Variants in CUL2 observed in about 807,000 individuals in gnomAD.
CUL2 encodes the protein cullin 2.
Under a neutral mutation model 110.2 loss-of-function variants are expected in CUL2, and 22 were observed. The observed-to-expected ratio is 0.20, with a 90% CI of 0.14 to 0.28. The LOEUF is 0.28. Among genes scored for constraint, CUL2 ranks in the 10% least tolerant of loss-of-function variants. The probability of loss-of-function intolerance (pLI) is 1.00; values close to 1 mark genes in which losing one functional copy is unlikely to be tolerated. For missense variants in CUL2, 631 were observed against 905.5 expected (o/e 0.70, Z 3.89); for synonymous variants, 279 against 293.2 (o/e 0.95, Z 0.49).
chr10:35,032,242 TA>T (rs1478175218), intron 12 of CUL2, among the ~76,000 whole-genome samples, 192 bp downstream of exon 12: 27 of 152,214 alleles, frequency 1.8e-4, no homozygotes, highest in African/African-American at 6.5e-4. Flanking sequence ...CCAAACTTTG[TA>T]AAATGGTTAT....
intron 15 of CUL2, among the ~76,000 whole-genome samples, chr10:35,029,133 C>A (rs1055243624): frequency 6.6e-6 from 1 of 151,734 alleles, no homozygotes; most frequent in East Asian, 1.9e-4. Context: ...TCTCCGCTCA[C>A]TGCAACCTCC....
chr10:35,105,523 G>A (rs966733620), intron 1 of CUL2, among the ~76,000 whole-genome samples: 3 of 150,692 alleles, frequency 2.0e-5, no homozygotes, highest in African/African-American at 7.3e-5. Context: ...GGCTAACACA[G>A]TGGAAACCCG....
upstream of CUL2, chr10:35,090,547 C>G (rs2135083526): frequency 6.6e-6 from 1 of 152,630 alleles, no homozygotes; most frequent in Non-Finnish European, 1.5e-5. Flanking sequence ...ATCCGTAAAA[C>G]AATCGTCCTC....
intron 2 of CUL2, among the ~76,000 whole-genome samples, chr10:35,066,590 C>T (rs570129865): frequency 1.1e-4 from 16 of 152,326 alleles, no homozygotes; most frequent in South Asian, 2.1e-4. Context: ...TGAGCCACTG[C>T]GCCCCGCCAG....
chr10:35,022,388 C>T (rs1038093773), intron 17 of CUL2, among the ~76,000 whole-genome samples: 5 of 152,152 alleles, frequency 3.3e-5, no homozygotes, highest in African/African-American at 1.2e-4. Context: ...CAAAAATTAA[C>T]CTTTTCTTGG....
chr10:35,063,918 T>C (rs2086450138), intron 2 of CUL2: 1 of 152,136 alleles, frequency 6.6e-6, no homozygotes, highest in Admixed American at 6.5e-5. Flanking sequence ...GAACTAGGTG[T>C]TTCATATGCT....
intron 1 of CUL2, among the ~76,000 whole-genome samples, chr10:35,103,572 C>T (rs1192073445): frequency 1.3e-5 from 2 of 151,984 alleles, no homozygotes; most frequent in Non-Finnish European, 2.9e-5. Context: ...ATCCGCCCGT[C>T]TCGGCCTCCC....
chr10:35,043,556 A>C lies in CUL2; in HGVS notation c.714+1010T>G, dbSNP rs578210165. Among the ~76,000 whole-genome samples the C allele has an allele frequency of 2.6e-5, 4 of 152,298 alleles. No individual in the cohort carries two copies. In the South Asian group the frequency reaches 8.3e-4, roughly 32 times the overall value. Reference sequence around the variant, plus strand: ...TGTAGGATGACAGCTCACCCACTTAAACTACTCGACCTTTCTTGGCTACAT... The same window carrying C: ...TGTAGGATGACAGCTCACCCACTTACACTACTCGACCTTTCTTGGCTACAT... On this transcript the variant is annotated intron_variant, in intron 8 of 20. Transcript: ENST00000374749.
chr10:35,022,445 T>C (rs1030004539), intron 17 of CUL2, among the ~76,000 whole-genome samples: 4 of 152,128 alleles, frequency 2.6e-5, no homozygotes, highest in Non-Finnish European at 5.9e-5. Flanking sequence ...CAAGAATAAT[T>C]TTCATTCTAT....
chr10:35,038,383 A>C (rs1397409267), intron 9 of CUL2, among the ~76,000 whole-genome samples: 2 of 150,792 alleles, frequency 1.3e-5, no homozygotes, highest in Non-Finnish European at 3.0e-5. Flanking sequence ...AAAATTAGCC[A>C]GGTGTGGTGA....
chr10:35,125,674 ATAT>A (rs1045938483), intron 1 of CUL2, among the ~76,000 whole-genome samples: 3 of 152,248 alleles, frequency 2.0e-5, no homozygotes, highest in Non-Finnish European at 2.9e-5. Context: ...GTTATCATCA[ATAT>A]TATAACGAAA....
intron 1 of CUL2, among the ~76,000 whole-genome samples, chr10:35,081,994 T>C (rs997727512): frequency 6.6e-6 from 1 of 152,084 alleles, no homozygotes; most frequent in Non-Finnish European, 1.5e-5. Context: ...TCTTGACACC[T>C]CCTGTTTACA....
At chr10:35,079,200 TAA>T (rs1355957230) in intron 1 of CUL2, among the ~76,000 whole-genome samples, 3 of 152,216 alleles carry the variant, frequency 2.0e-5, no homozygotes, top group African/African-American at 4.8e-5. Flanking sequence ...TATGCTATAA[TAA>T]AAGTTACATG....
At chr10:35,068,830 G>A (rs1477926069) in intron 2 of CUL2, among the ~76,000 whole-genome samples, 2 of 152,050 alleles carry the variant, frequency 1.3e-5, no homozygotes, top group Non-Finnish European at 2.9e-5. Context: ...CAGGGAAAAT[G>A]ATGGAATTTT....
At chr10:35,049,583 G>A in intron 6 of CUL2, 100 bp downstream of exon 6, 1 of 885,644 alleles carries the variant, frequency 1.1e-6, no homozygotes, top group South Asian at 1.8e-5. Flanking sequence ...AGTAAAACCA[G>A]CCCCAAGGCT....
chr10:35,073,507 G>C (rs1427551123), intron 1 of CUL2, among the ~76,000 whole-genome samples: 4 of 151,880 alleles, frequency 2.6e-5, no homozygotes, highest in Non-Finnish European at 5.9e-5. Context: ...ACTAGTCTAA[G>C]TACCCTGTAC....
chr10:35,034,708 G>T (rs2244100), intron 10 of CUL2, among the ~76,000 whole-genome samples: 2 of 151,910 alleles, frequency 1.3e-5, no homozygotes, highest in Admixed American at 6.6e-5. Context: ...TTATTGTTTT[G>T]GGTATTTGGG....
chr10:35,062,093 G>A (rs1215176061), intron 3 of CUL2, among the ~76,000 whole-genome samples: 1 of 152,082 alleles, frequency 6.6e-6, no homozygotes, highest in African/African-American at 2.4e-5. Context: ...TCTTACGCAG[G>A]CACTAAATTA....
intron 8 of CUL2, among the ~76,000 whole-genome samples, chr10:35,044,174 T>C (rs1294586480): frequency 6.6e-6 from 1 of 152,112 alleles, no homozygotes; most frequent in East Asian, 1.9e-4. Context: ...CCTCATATTT[T>C]TCCTCTCATT....
Sources: allele counts gnomAD v4.1 joint callset (sites outside exome capture counted in the v4.1 genomes callset), GRCh38; gene constraint gnomAD v4.1.1; transcripts MANE v1.5; gene names NCBI Gene and HGNC (gene_info 2026-07-23, HGNC 2026-07-21).